Variants in COL4A3 observed in about 807,000 individuals in gnomAD.
COL4A3 encodes the protein collagen type IV alpha 3 chain.
A neutral mutation model predicts 217.4 loss-of-function variants in COL4A3; 135 were observed. The observed-to-expected ratio is 0.62, with a 90% CI of 0.54 to 0.72. The LOEUF (loss-of-function observed/expected upper bound fraction) is 0.72, where lower values mean the gene tolerates loss of function less well. Among genes scored for constraint, COL4A3 ranks in the 30% least tolerant of loss-of-function variants. The pLI is 0.00. For missense variants in COL4A3, 1,868 were observed against 2,119.9 expected (o/e 0.88, Z 2.33); for synonymous variants, 690 against 736.3 (o/e 0.94, Z 1.02).
intron 27 of COL4A3, 98 bp from the exon 28 acceptor site, chr2:227,277,351 A>C: frequency 1.3e-6 from 1 of 787,218 alleles, no homozygotes; most frequent in East Asian, 2.7e-5. Context: ...CAATGTGCAA[A>C]AGGGATAGGA....
intron 38 of COL4A3, chr2:227,293,806 TCTTGG>T (rs1334988447): frequency 4.2e-6 from 2 of 470,636 alleles, no homozygotes; most frequent in Non-Finnish European, 8.8e-6. Flanking sequence ...GGGCCCCTGT[TCTTGG>T]CTTGTGGATG....
At chr2:227,283,311 A>C (rs921222699) in intron 32 of COL4A3, among the ~76,000 whole-genome samples, 4 of 152,208 alleles carry the variant, frequency 2.6e-5, no homozygotes, top group Non-Finnish European at 5.9e-5. Flanking sequence ...CCTTTCATTC[A>C]TGTTATTGGG....
intron 16 of COL4A3, 112 bp from the exon 17 acceptor site, chr2:227,256,231 A>G: frequency 8.8e-7 from 1 of 1,140,158 alleles, no homozygotes; most frequent in South Asian, 1.2e-5. Flanking sequence ...CTGTGAAGAG[A>G]GATCATCTGA....
chr2:227,246,399 A>G lies in COL4A3; in HGVS notation c.388-286A>G, dbSNP rs1048773903. 3 of 521,316 alleles carry G rather than the reference A, an allele frequency of 5.8e-6. No homozygotes were observed. The African/African-American group carries it at 5.8e-5, about 10-fold the overall frequency. The allele number at this position is 521,316 out of a possible 1,614,324, so 32.3% of individuals were successfully genotyped here. The stretch of plus-strand genomic sequence containing the variant: ...TCTCCTTTTCTCCAGAATGGTGGCC[A>G]TGAATGAACTAATTACTCAAGTTTG... On this transcript the variant is annotated intron_variant, in intron 6 of 51. Transcript: ENST00000396578.
At chr2:227,293,088 A>C in intron 37 of COL4A3, 103 bp from the exon 38 acceptor site, 1 of 1,467,590 alleles carries the variant, frequency 6.8e-7, no homozygotes, top group Non-Finnish European at 9.4e-7. Context: ...TACTAATATG[A>C]ATTGATGAAT....
chr2:227,168,573 C>T (rs1320825338), intron 1 of COL4A3, among the ~76,000 whole-genome samples: 1 of 152,026 alleles, frequency 6.6e-6, no homozygotes, highest in African/African-American at 2.4e-5. Flanking sequence ...TATTTTATTC[C>T]AATCTTTGGT....
chr2:227,182,761 T>C (rs1328030203), intron 1 of COL4A3, among the ~76,000 whole-genome samples: 5 of 152,196 alleles, frequency 3.3e-5, no homozygotes, highest in Non-Finnish European at 5.9e-5. Context: ...GGGAAAAATG[T>C]TAACAATTTT....
chr2:227,215,003 A>C (rs758869783), intron 1 of COL4A3, among the ~76,000 whole-genome samples: 14 of 152,218 alleles, frequency 9.2e-5, no homozygotes, highest in Non-Finnish European at 1.3e-4. Context: ...TGAAACGTAT[A>C]CTGGATACTT....
chr2:227,272,146 T>C (rs2071278875), intron 25 of COL4A3, among the ~76,000 whole-genome samples: 2 of 152,204 alleles, frequency 1.3e-5, no homozygotes, highest in Non-Finnish European at 2.9e-5. Flanking sequence ...CACTTTGTGG[T>C]AGTTATGCTT....
chr2:227,249,442 G>T (rs1157022433), intron 9 of COL4A3, among the ~76,000 whole-genome samples: 1 of 150,316 alleles, frequency 6.7e-6, no homozygotes, highest in African/African-American at 2.5e-5. Context: ...CACCATGTTG[G>T]CCAGGCTGGT....
rs2066238124 is a variant in COL4A3 at position 227,191,489 on chromosome 2, C to T, written c.87+26676C>T. On this transcript the variant is annotated intron_variant, in intron 1 of 51. Coordinates refer to ENST00000396578, the MANE Select transcript of COL4A3 (RefSeq NM_000091.5). This position sits in a 1 kb window ranked among gnomAD's most constrained non-coding sequence, Gnocchi z 6.8. ...ACATACAAATGTTGAATGGCTCCAT[C>T]CACGGTGCATTTGTGGAGCTCCCCT... Among the ~76,000 whole-genome samples the T allele has an allele frequency of 1.3e-5, 2 of 152,262 alleles. No individual in the cohort carries two copies. Among genetic ancestry groups the T allele is most frequent in the South Asian group, 4.2e-4 (2 of 4,814 alleles).
intron 1 of COL4A3, among the ~76,000 whole-genome samples, chr2:227,193,258 A>G (rs2066311915): frequency 6.6e-6 from 1 of 152,250 alleles, no homozygotes; most frequent in African/African-American, 2.4e-5. Context: ...AACTGGATGA[A>G]GAATCAAAAT....
chr2:227,308,719 T>C (rs962936112), intron 48 of COL4A3, among the ~76,000 whole-genome samples, 180 bp from the exon 49 acceptor site: 1 of 152,270 alleles, frequency 6.6e-6, no homozygotes, highest in Non-Finnish European at 1.5e-5. Flanking sequence ...GTTTGCCTAT[T>C]GGATCTTTGA....
At chr2:227,262,596 C>A (rs1319947164) in intron 20 of COL4A3, among the ~76,000 whole-genome samples, 1 of 152,168 alleles carries the variant, frequency 6.6e-6, no homozygotes, top group Non-Finnish European at 1.5e-5. Context: ...TTGCAGGGAT[C>A]TTTCACCTTG....
At chr2:227,276,517 AC>A in intron 27 of COL4A3, 40 bp downstream of exon 27, 1 of 1,376,914 alleles carries the variant, frequency 7.3e-7, no homozygotes, top group Non-Finnish European at 1.0e-6. Flanking sequence ...GGCATCAGAC[AC>A]ACACAACACC....
Position 227,263,848 on chromosome 2 carries a change from G to C in COL4A3, c.1219G>C (p.Gly407Arg), listed in dbSNP as rs1559878862. 1.2e-6 allele frequency: 2 copies of C among 1,614,144 alleles called. No homozygotes were observed. Among genetic ancestry groups the C allele is most frequent in the Non-Finnish European group, 1.7e-6 (2 of 1,179,996 alleles). ...PGLKGSKGER[G>R]RPGKDAMGTP... ...CCTGAAAGGAAGTAAAGGGGAACGA[G>C]GCCGCCCAGGAAAGGATGCCATGGG... The change falls in exon 21 of 52, where the codon GGC (glycine) becomes CGC (arginine). Residue 407 changes from glycine (G) to arginine (R), a missense_variant. This residue lies in a region of COL4A3 where 1,503 missense variants were observed against 1,786.1 expected (regional missense o/e 0.84). Transcript: ENST00000396578.
chr2:227,297,258 T>A (rs1339192819), intron 41 of COL4A3, among the ~76,000 whole-genome samples: 2 of 152,248 alleles, frequency 1.3e-5, no homozygotes, highest in Non-Finnish European at 2.9e-5. Flanking sequence ...GACTCAACAA[T>A]GTCAACATGA....
intron 35 of COL4A3, 44 bp downstream of exon 35, chr2:227,289,292 T>C: frequency 3.3e-6 from 5 of 1,495,730 alleles, no homozygotes; most frequent in Non-Finnish European, 4.6e-6. Context: ...TTTTACACTT[T>C]CCTACATCTA....
rs182137427 is a variant in COL4A3 at position 227,191,947 on chromosome 2, A to T, written c.87+27134A>T. On this transcript the variant is annotated intron_variant, in intron 1 of 51. Coordinates refer to ENST00000396578, the MANE Select transcript of COL4A3 (RefSeq NM_000091.5). This position sits in a 1 kb window ranked among gnomAD's most constrained non-coding sequence, Gnocchi z 6.8. ...ACTTGAGAATTGTGGAAAGGGAAAAAAATTATCGAAGGAAAGTCATATTTC... is the reference window on the plus strand; with the variant it reads ...ACTTGAGAATTGTGGAAAGGGAAAATAATTATCGAAGGAAAGTCATATTTC... Among the ~76,000 whole-genome samples the T allele has an allele frequency of 6.5e-3, 992 of 152,330 alleles. 7 individuals carry two copies. The highest frequency in any genetic ancestry group is 0.011 in the Non-Finnish European group (746 of 68,028).
Sources: allele counts gnomAD v4.1 joint callset (sites outside exome capture counted in the v4.1 genomes callset), GRCh38; gene constraint gnomAD v4.1.1; regional missense constraint gnomAD v4.1.1; non-coding constraint Gnocchi (gnomAD v3.1); transcripts MANE v1.5; gene names NCBI Gene and HGNC (gene_info 2026-07-23, HGNC 2026-07-21).